Variants in GPC3 observed in about 807,000 individuals in gnomAD.
The protein encoded by GPC3 is glypican 3, also known as glypican-3.
GPC3 carries 3 observed loss-of-function variants against 34.4 expected under a neutral mutation model. That is an observed-to-expected ratio of 0.09 (90% confidence interval 0.04 to 0.23). The LOEUF (loss-of-function observed/expected upper bound fraction) is 0.23, where lower values mean the gene tolerates loss of function less well. GPC3 is among the 10% of genes least tolerant of loss of function. The pLI, the probability that GPC3 is intolerant of heterozygous loss-of-function variation, is 1.00. For synonymous variants in GPC3, 177 were observed against 174.0 expected (o/e 1.02, Z -0.13); for missense variants, 351 against 445.6 (o/e 0.79, Z 1.91).
chrX:133,817,224 C>CT (rs1219091915), intron 2 of GPC3, among the ~76,000 whole-genome samples: 2 of 111,172 alleles, frequency 1.8e-5, no homozygotes, highest in East Asian at 2.9e-4. Context: ...TCCCTTCTTA[C>CT]TTTTTTTACC....
At chrX:133,643,582 A>G (rs1044946051) in intron 6 of GPC3, among the ~76,000 whole-genome samples, 1 of 111,939 alleles carries the variant, frequency 8.9e-6, no homozygotes, top group African/African-American at 3.2e-5. Flanking sequence ...GTTTTGATAT[A>G]ATTCTTACAG....
At chrX:133,802,449 T>C (rs143733410) in intron 2 of GPC3, among the ~76,000 whole-genome samples, 14 of 112,106 alleles carry the variant, frequency 1.2e-4, no homozygotes, top group Non-Finnish European at 2.4e-4. Flanking sequence ...TTCTCAAGAC[T>C]GTGCTTAATA....
chrX:133,593,492 G>A lies in GPC3; in HGVS notation c.1573+2948C>T, dbSNP rs184750526. 7.2e-3 allele frequency among the ~76,000 whole-genome samples: 790 copies of A among 109,302 alleles called. 5 individuals are homozygous for A. Among genetic ancestry groups the A allele is most frequent in the Non-Finnish European group, 0.012 (634 of 52,569 alleles). 94.9% of individuals were successfully genotyped at this position (109,302 alleles called of 115,157 possible). On this transcript the variant is annotated intron_variant, in intron 7 of 7. Transcript: ENST00000370818. ...GGGTGCTTACGGGGGCTAGTGGTGG[G>A]AAATGAAGCCAGAAGGGTAGTTGAG...
Position 133,558,222 on chromosome X carries a change from C to A in GPC3, c.1574-21929G>T, listed in dbSNP as rs747681422. Among the ~76,000 whole-genome samples, 13 of 110,875 alleles carry A rather than the reference C, an allele frequency of 1.2e-4. No individual in the cohort carries two copies. The East Asian group carries it at 3.1e-3, about 27-fold the overall frequency. The stretch of plus-strand genomic sequence containing the variant: ...TTTTGACTAACAACAAGGTAAGTAA[C>A]CTGCAAATCTTTCTTTTTTTCCTCA... On this transcript the variant is annotated intron_variant, in intron 7 of 7. Transcript: ENST00000370818.
rs143289021 is a variant in GPC3 at position 133,604,096 on chromosome X, T to A, written c.1414-7497A>T. Reference sequence around the variant, plus strand: ...ATCCTCAATACTCTCCACCAGTTTGTATAACAGGGAAGACTGCCATCCCCA... The same window carrying A: ...ATCCTCAATACTCTCCACCAGTTTGAATAACAGGGAAGACTGCCATCCCCA... On this transcript the variant is annotated intron_variant, in intron 6 of 7. Transcript: ENST00000370818. Among the ~76,000 whole-genome samples, 329 of 111,408 alleles carry A rather than the reference T, an allele frequency of 3.0e-3. 1 individual carries two copies. Among genetic ancestry groups the A allele is most frequent in the African/African-American group, 0.01 (311 of 30,613 alleles).
chrX:133,544,810 C>T (rs888609251), intron 7 of GPC3, among the ~76,000 whole-genome samples: 1 of 112,140 alleles, frequency 8.9e-6, no homozygotes, highest in Non-Finnish European at 1.9e-5. Context: ...GGATTACAGG[C>T]GTGAGCCACT....
At chrX:133,897,940 G>A (rs1317938493) in intron 2 of GPC3, among the ~76,000 whole-genome samples, 1 of 111,753 alleles carries the variant, frequency 8.9e-6, no homozygotes, top group Non-Finnish European at 1.9e-5. Flanking sequence ...ACTGGTTGTT[G>A]GATTTATTGG....
intron 2 of GPC3, among the ~76,000 whole-genome samples, chrX:133,925,262 G>A (rs749080400): frequency 9.1e-6 from 1 of 109,939 alleles, no homozygotes; most frequent in African/African-American, 3.3e-5. Flanking sequence ...GGGGTACTGG[G>A]CTGAAAACCA....
chrX:133,930,863 C>A (rs1031640447), intron 2 of GPC3, among the ~76,000 whole-genome samples: 4 of 111,980 alleles, frequency 3.6e-5, no homozygotes, highest in East Asian at 5.6e-4. Flanking sequence ...GTCTCAATCT[C>A]CTGACCTCAT....
chrX:133,568,423 T>C (rs1211186030), intron 7 of GPC3, among the ~76,000 whole-genome samples: 1 of 112,224 alleles, frequency 8.9e-6, no homozygotes, highest in Non-Finnish European at 1.9e-5. Context: ...GTGTAGGTTC[T>C]TAGCATACCT....
intron 2 of GPC3, among the ~76,000 whole-genome samples, chrX:133,820,065 A>G (rs1369342114): frequency 8.9e-6 from 1 of 112,067 alleles, no homozygotes; most frequent in African/African-American, 3.2e-5. Flanking sequence ...ACAGAACTGT[A>G]TAATCCCACT....
intron 2 of GPC3, among the ~76,000 whole-genome samples, chrX:133,830,978 G>A (rs1049101508): frequency 5.6e-5 from 6 of 107,434 alleles, no homozygotes; most frequent in Non-Finnish European, 1.1e-4. Flanking sequence ...ATCTCCAAAG[G>A]CATACTGAGT....
At chrX:133,841,214 A>AT (rs2075822425) in intron 2 of GPC3, among the ~76,000 whole-genome samples, 10 of 25,721 alleles carry the variant, frequency 3.9e-4, no homozygotes, top group African/African-American at 8.1e-4. Flanking sequence ...CTAATCTTTT[A>AT]ATTTTTTTTT....
chrX:133,615,385 G>A (rs1262364189), intron 6 of GPC3, among the ~76,000 whole-genome samples: 2 of 111,559 alleles, frequency 1.8e-5, no homozygotes, highest in African/African-American at 6.5e-5. Context: ...AAGGTTGGTT[G>A]AGTATATGAA....
At chrX:133,849,549 TTA>T (rs2075863138) in intron 2 of GPC3, among the ~76,000 whole-genome samples, 2 of 111,388 alleles carry the variant, frequency 1.8e-5, no homozygotes, top group South Asian at 7.6e-4. Flanking sequence ...ATTTATTTAT[TTA>T]TGTTTTTTTG....
intron 2 of GPC3, among the ~76,000 whole-genome samples, chrX:133,798,431 T>G (rs776391940): frequency 1.5e-4 from 17 of 112,099 alleles, no homozygotes; most frequent in African/African-American, 5.5e-4. Context: ...CCACCAACAC[T>G]GCTAGATACC....
chrX:133,594,213 AG>A (rs1322691249), intron 7 of GPC3, among the ~76,000 whole-genome samples: 1 of 112,567 alleles, frequency 8.9e-6, no homozygotes, highest in Non-Finnish European at 1.9e-5. Context: ...GAAGAAGCAA[AG>A]ATGGCTTTAG....
chrX:133,961,343 C>T (rs867776631), intron 1 of GPC3, among the ~76,000 whole-genome samples: 1 of 111,154 alleles, frequency 9.0e-6, no homozygotes, highest in Non-Finnish European at 1.9e-5. Context: ...TTAAAGCAAC[C>T]GTGGAGATAA....
chrX:133,661,616 CTCTCTCTCTCTCTCTCT>C (rs1236737645), intron 6 of GPC3, 97 bp downstream of exon 6: 8 of 29,532 alleles, frequency 2.7e-4, no homozygotes, highest in South Asian at 2.0e-3. Context: ...CTCTCTCTCT[CTCTCTCTCTCTCTCTCT>C]CCCCCCCCCC....
Sources: allele counts gnomAD v4.1 joint callset (sites outside exome capture counted in the v4.1 genomes callset), GRCh38; gene constraint gnomAD v4.1.1; transcripts MANE v1.5; gene names NCBI Gene and HGNC (gene_info 2026-07-23, HGNC 2026-07-21).